The following ABCA13 variants were observed in gnomAD, a reference collection of about 807,000 sequenced individuals.
ABCA13 encodes ATP-binding cassette sub-family A member 13.
A neutral mutation model predicts 478.7 loss-of-function variants in ABCA13; 476 were observed. The observed-to-expected ratio is 0.99, with a 90% CI of 0.92 to 1.07. The LOEUF is 1.07. ABCA13 is among the 50% of genes least tolerant of loss of function. ABCA13 has a pLI of 0.00. For missense variants in ABCA13, 6,060 were observed against 5,910.6 expected (o/e 1.03, Z -0.83); for synonymous variants, 2,252 against 2,158.9 (o/e 1.04, Z -1.20).
chr7:48,288,640 A>AT (rs59778376), intron 20 of ABCA13, among the ~76,000 whole-genome samples: 50 of 151,350 alleles, frequency 3.3e-4, no homozygotes, highest in Admixed American at 2.9e-3. Flanking sequence ...CCAAATCAGA[A>AT]TTTTTTTTTT....
At chr7:48,422,536 A>G (rs1395102012) in intron 41 of ABCA13, among the ~76,000 whole-genome samples, 1 of 152,238 alleles carries the variant, frequency 6.6e-6, no homozygotes, top group East Asian at 1.9e-4. Context: ...GCTGACCAAA[A>G]TCAGACATTG....
chr7:48,570,871 A>T (rs577262964), intron 55 of ABCA13, among the ~76,000 whole-genome samples: 1 of 151,980 alleles, frequency 6.6e-6, no homozygotes, highest in Non-Finnish European at 1.5e-5. Flanking sequence ...TATATTTTTC[A>T]TTCCTCTGTT....
At chr7:48,334,597 A>G (rs965181878) in intron 27 of ABCA13, among the ~76,000 whole-genome samples, 2 of 152,138 alleles carry the variant, frequency 1.3e-5, no homozygotes, top group African/African-American at 4.8e-5. Context: ...GGCCTCCCAG[A>G]GTGCTGGGAT....
intron 19 of ABCA13, among the ~76,000 whole-genome samples, chr7:48,284,169 C>T (rs1297385868): frequency 6.6e-6 from 1 of 152,294 alleles, no homozygotes; most frequent in Middle Eastern, 3.4e-3. Context: ...TCTGCTCACT[C>T]ATCCCTTTTT....
At chr7:48,489,951 A>G (rs908389057) in intron 48 of ABCA13, among the ~76,000 whole-genome samples, 1 of 152,232 alleles carries the variant, frequency 6.6e-6, no homozygotes, top group Non-Finnish European at 1.5e-5. Context: ...TAAAGAAAGG[A>G]AAGAAACAAG....
chr7:48,513,846 G>A (rs1393409820), intron 51 of ABCA13, among the ~76,000 whole-genome samples: 1 of 152,154 alleles, frequency 6.6e-6, no homozygotes, highest in East Asian at 1.9e-4. Context: ...TAATGAAAAT[G>A]TAGTAAAAAA....
At chr7:48,588,970 C>T (rs1789471567) in intron 57 of ABCA13, among the ~76,000 whole-genome samples, 1 of 152,160 alleles carries the variant, frequency 6.6e-6, no homozygotes, top group Non-Finnish European at 1.5e-5. Flanking sequence ...ACATATATTG[C>T]TTGATTTGCA....
intron 59 of ABCA13, among the ~76,000 whole-genome samples, chr7:48,640,923 G>T (rs1298984257): frequency 6.6e-6 from 1 of 152,062 alleles, no homozygotes; most frequent in Non-Finnish European, 1.5e-5. Flanking sequence ...TCTGTTTCAG[G>T]CATATTTTCT....
rs1173303382 is a variant in ABCA13, at chr7:48,455,101, G to C, written c.12630G>C (p.Ala4210=). ...AGCTGCTCCGCGCACAAGTGGCCGC[G>C]ATCCTGGCCCGGAGGCTCCGCCGCA... ...GVQLLRAQVA[A]ILARRLRRTL... Residue 4210 remains alanine (A), a synonymous_variant, in exon 43 of 62, where the codon GCG becomes GCC. Transcript: ENST00000435803. The C allele has an allele frequency of 1.3e-6, 2 of 1,553,302 alleles. No homozygotes were observed. Among genetic ancestry groups the C allele is most frequent in the South Asian group, 2.4e-5 (2 of 84,352 alleles).
chr7:48,459,020 G>C (rs1235807135), intron 43 of ABCA13, among the ~76,000 whole-genome samples: 1 of 152,182 alleles, frequency 6.6e-6, no homozygotes, highest in African/African-American at 2.4e-5. Flanking sequence ...ACTCAGTTTT[G>C]TTCTGAATCA....
At chr7:48,518,563 A>G (rs1237712769) in intron 52 of ABCA13, among the ~76,000 whole-genome samples, 1 of 152,158 alleles carries the variant, frequency 6.6e-6, no homozygotes, top group East Asian at 1.9e-4. Flanking sequence ...TTGCCAGAAA[A>G]TGGATCTAAA....
chr7:48,530,567 C>G (rs2131047431), intron 55 of ABCA13, among the ~76,000 whole-genome samples: 1 of 152,260 alleles, frequency 6.6e-6, no homozygotes, highest in Admixed American at 6.5e-5. Flanking sequence ...AATCTCCACA[C>G]TGTTTTCTAT....
chr7:48,323,062 GAT>G (rs987537512), intron 27 of ABCA13, among the ~76,000 whole-genome samples: 3 of 152,300 alleles, frequency 2.0e-5, no homozygotes, highest in Non-Finnish European at 4.4e-5. Context: ...CTGTGGTGTG[GAT>G]TCACTGCAGT....
rs573994271 is a variant in ABCA13 at position 48,339,952 on chromosome 7, C to T, written c.10204+1497C>T. Reference sequence around the variant, plus strand: ...AAATGAACTCACCTTACTGCATGCACCCTTTTAAAATTTATACCTAGGTCA... The same window carrying T: ...AAATGAACTCACCTTACTGCATGCATCCTTTTAAAATTTATACCTAGGTCA... On this transcript the variant is annotated intron_variant, in intron 29 of 61. Transcript: ENST00000435803. 7.9e-5 allele frequency among the ~76,000 whole-genome samples: 12 copies of T among 152,122 alleles called. No individual in the cohort carries two copies. The South Asian group carries it at 1.9e-3, about 24-fold the overall frequency.
At chr7:48,203,203 C>A (rs12718302) in intron 3 of ABCA13, among the ~76,000 whole-genome samples, 1 of 152,038 alleles carries the variant, frequency 6.6e-6, no homozygotes, top group Non-Finnish European at 1.5e-5. Context: ...CCGGCTGCTC[C>A]GAGTGCGGGC....
chr7:48,618,634 T>C (rs1010113788), intron 59 of ABCA13, among the ~76,000 whole-genome samples: 1 of 152,096 alleles, frequency 6.6e-6, no homozygotes, highest in African/African-American at 2.4e-5. Flanking sequence ...GTGATTTCTA[T>C]TGGAAGGAAG....
chr7:48,245,461 G>T, intron 11 of ABCA13, 51 bp from the exon 12 acceptor site: 3 of 1,457,646 alleles, frequency 2.1e-6, no homozygotes, highest in Non-Finnish European at 2.8e-6. Flanking sequence ...ATGTATAAAA[G>T]TCAAGCTTAC....
At chr7:48,388,934 C>G in intron 36 of ABCA13, 106 bp from the exon 37 acceptor site, 9 of 1,321,224 alleles carry the variant, frequency 6.8e-6, no homozygotes, top group Non-Finnish European at 8.4e-6. Flanking sequence ...GTGTGCTTCA[C>G]AGAGCTGGAA....
intron 45 of ABCA13, among the ~76,000 whole-genome samples, chr7:48,473,579 A>C (rs539956013): frequency 6.6e-6 from 1 of 152,290 alleles, no homozygotes; most frequent in African/African-American, 2.4e-5. Context: ...ATGAATCAGG[A>C]GAGTGGGTGG....
Sources: allele counts gnomAD v4.1 joint callset (sites outside exome capture counted in the v4.1 genomes callset), GRCh38; gene constraint gnomAD v4.1.1; transcripts MANE v1.5; gene names NCBI Gene and HGNC (gene_info 2026-07-23, HGNC 2026-07-21).